Variants in HTR7 observed in about 807,000 individuals in gnomAD.
HTR7 encodes the protein 5-hydroxytryptamine receptor 7, also known as 5-HT-7.
A neutral mutation model predicts 34.0 loss-of-function variants in HTR7; 16 were observed. The observed-to-expected ratio is 0.47, with a 90% CI of 0.32 to 0.71. The LOEUF is 0.71. Ranked by LOEUF, HTR7 falls within the 30% of genes least tolerant of loss-of-function variation. HTR7 has a pLI of 0.04. For missense variants in HTR7, 504 were observed against 625.5 expected (o/e 0.81, Z 2.07); for synonymous variants, 265 against 260.2 (o/e 1.02, Z -0.18).
chr10:90,819,985 TTAAG>T (rs1172841957), intron 1 of HTR7, among the ~76,000 whole-genome samples: 1 of 152,230 alleles, frequency 6.6e-6, no homozygotes, highest in African/African-American at 2.4e-5. Flanking sequence ...TTAAATGCTC[TTAAG>T]TAAATTTGCA....
intron 1 of HTR7, among the ~76,000 whole-genome samples, chr10:90,811,404 C>T (rs1845807384): frequency 6.6e-6 from 1 of 152,058 alleles, no homozygotes; most frequent in Non-Finnish European, 1.5e-5. Flanking sequence ...TCCCCAGCTC[C>T]TTCATCTCTC....
At chr10:90,835,981 C>G (rs1846246655) in intron 1 of HTR7, among the ~76,000 whole-genome samples, 1 of 152,182 alleles carries the variant, frequency 6.6e-6, no homozygotes, top group Non-Finnish European at 1.5e-5. Context: ...GCAAGAACAA[C>G]TTGGATGCTA....
Position 90,744,827 on chromosome 10 carries a change from A to G in HTR7, c.1296-1137T>C, listed in dbSNP as rs578125767. ...GAAGAGCCTTTATAATTTCATCTCA[A>G]TCTACTTTTCTGCTTTGATCTCTAA... On this transcript the variant is annotated intron_variant, in intron 2 of 3. Coordinates refer to ENST00000336152, the MANE Select transcript of HTR7 (RefSeq NM_019859.4). Among the ~76,000 whole-genome samples the G allele has an allele frequency of 2.0e-5, 3 of 152,256 alleles. 1 individual carries two copies. Among genetic ancestry groups the G allele is most frequent in the South Asian group, 4.2e-4 (2 of 4,818 alleles).
intron 1 of HTR7, among the ~76,000 whole-genome samples, chr10:90,810,946 T>G (rs1045472309): frequency 1.3e-5 from 2 of 152,142 alleles, no homozygotes; most frequent in African/African-American, 4.8e-5. Flanking sequence ...ATCCTAGGCA[T>G]GGTTAGATAC....
intron 1 of HTR7, among the ~76,000 whole-genome samples, chr10:90,819,997 G>T (rs578136031): frequency 6.6e-6 from 1 of 152,160 alleles, no homozygotes; most frequent in Admixed American, 6.5e-5. Flanking sequence ...AAGTAAATTT[G>T]CATTTTATTA....
intron 2 of HTR7, among the ~76,000 whole-genome samples, chr10:90,748,206 C>T (rs1331699773): frequency 3.3e-5 from 5 of 152,108 alleles, no homozygotes; most frequent in Non-Finnish European, 7.4e-5. Flanking sequence ...ATGATCATAG[C>T]TCACTGCATA....
chr10:90,833,982 G>A (rs139291596), intron 1 of HTR7, among the ~76,000 whole-genome samples: 50 of 152,274 alleles, frequency 3.3e-4, no homozygotes, highest in African/African-American at 1.2e-3. Flanking sequence ...AAAACTTGGG[G>A]GCACTTTGCT....
intron 1 of HTR7, among the ~76,000 whole-genome samples, chr10:90,773,069 T>C (rs1845144033): frequency 6.6e-6 from 1 of 152,212 alleles, no homozygotes; most frequent in South Asian, 2.1e-4. Flanking sequence ...AATCCCAATT[T>C]TCCATTTCCA....
At chr10:90,744,976 A>C (rs1350346135) in intron 2 of HTR7, among the ~76,000 whole-genome samples, 1 of 152,116 alleles carries the variant, frequency 6.6e-6, no homozygotes, top group Non-Finnish European at 1.5e-5. Flanking sequence ...TTTCACTATA[A>C]ATGCTTTGAC....
At chr10:90,819,817 A>C (rs922294487) in intron 1 of HTR7, among the ~76,000 whole-genome samples, 11 of 152,294 alleles carry the variant, frequency 7.2e-5, no homozygotes, top group Middle Eastern at 3.4e-3. Flanking sequence ...AGTGTTTCAC[A>C]AACTAAAAGG....
At chr10:90,831,720 C>T (rs1034294720) in intron 1 of HTR7, among the ~76,000 whole-genome samples, 2 of 152,032 alleles carry the variant, frequency 1.3e-5, no homozygotes, top group Non-Finnish European at 2.9e-5. Context: ...CTGATTGGTG[C>T]GTTTACAATC....
intron 1 of HTR7, among the ~76,000 whole-genome samples, chr10:90,769,629 G>A (rs1232378504): frequency 6.6e-6 from 1 of 152,070 alleles, no homozygotes; most frequent in African/African-American, 2.4e-5. Flanking sequence ...ATAAGCTTTA[G>A]ACTTTACAAC....
At chr10:90,759,297 A>T (rs148240982) in intron 1 of HTR7, among the ~76,000 whole-genome samples, 1 of 152,294 alleles carries the variant, frequency 6.6e-6, no homozygotes, top group East Asian at 1.9e-4. Context: ...AAGTGCCCAT[A>T]AACCCTATTT....
chr10:90,857,519 C>G lies in HTR7; in HGVS notation c.153G>C (p.Glu51Asp). The change falls in exon 1 of 4, where the codon GAG becomes GAC. Residue 51 changes from glutamate to aspartate, a missense_variant. Glu to Asp is a conservative substitution (Grantham distance 45). Around this residue, in one of 4 missense-constraint regions of HTR7, gnomAD observed 139 missense variants for 117.1 expected, o/e 1.19. Transcript: ENST00000336152. The surrounding 1 kb of genome is among the most constrained non-coding windows in gnomAD (Gnocchi z 6.5). ...AGGTGGGCGCCGGGCTGGCTGTCAC[C>G]TCGCTCAGCAGGTGCGGCGCCCAGG... ...AGSWAPHLLS[E>D]VTASPAPTWD... The G allele has an allele frequency of 6.2e-7, 1 of 1,610,862 alleles. No homozygotes were observed. Among genetic ancestry groups the G allele is most frequent in the Non-Finnish European group, 8.5e-7 (1 of 1,179,120 alleles).
At chr10:90,769,342 A>G (rs555180849) in intron 1 of HTR7, among the ~76,000 whole-genome samples, 2 of 152,326 alleles carry the variant, frequency 1.3e-5, no homozygotes, top group South Asian at 4.1e-4. Context: ...AATTTACTCT[A>G]TACTCTCTTT....
At chr10:90,765,172 G>T (rs1251824470) in intron 1 of HTR7, among the ~76,000 whole-genome samples, 3 of 152,108 alleles carry the variant, frequency 2.0e-5, no homozygotes, top group African/African-American at 7.2e-5. Context: ...ACTTTAGTTT[G>T]TTGGGAGGTT....
At chr10:90,771,904 T>C (rs1366454652) in intron 1 of HTR7, among the ~76,000 whole-genome samples, 1 of 149,190 alleles carries the variant, frequency 6.7e-6, no homozygotes, top group African/African-American at 2.5e-5. Context: ...TATAACAAAA[T>C]GAGAGATTAA....
intron 1 of HTR7, among the ~76,000 whole-genome samples, chr10:90,777,684 C>T (rs556906544): frequency 7.2e-5 from 11 of 152,208 alleles, no homozygotes; most frequent in East Asian, 1.9e-4. Context: ...CATCATAGCA[C>T]GAAGAGAGGC....
chr10:90,832,459 C>T (rs902849743), intron 1 of HTR7, among the ~76,000 whole-genome samples: 6 of 152,156 alleles, frequency 3.9e-5, no homozygotes, highest in African/African-American at 9.7e-5. Context: ...CAGGGCCAGC[C>T]GGCTGCTCCG....
Sources: allele counts gnomAD v4.1 joint callset (sites outside exome capture counted in the v4.1 genomes callset), GRCh38; gene constraint gnomAD v4.1.1; regional missense constraint gnomAD v4.1.1; non-coding constraint Gnocchi (gnomAD v3.1); transcripts MANE v1.5; gene names NCBI Gene and HGNC (gene_info 2026-07-23, HGNC 2026-07-21).